The following PPP2R3B variants were observed in gnomAD, a reference collection of about 807,000 sequenced individuals.
The protein encoded by PPP2R3B is protein phosphatase 2 regulatory subunit B''beta, also known as serine/threonine-protein phosphatase 2A regulatory subunit B'' subunit beta.
In PPP2R3B, 68 loss-of-function variants were observed where a neutral mutation model predicts 72.9. The ratio of observed to expected loss-of-function variants is 0.93; its 90% CI spans 0.77 to 1.14. The LOEUF (loss-of-function observed/expected upper bound fraction) is 1.14, where lower values mean the gene tolerates loss of function less well. Ranked by LOEUF, PPP2R3B falls within the 50% of genes most tolerant of loss-of-function variation. PPP2R3B has a pLI of 0.00. For missense variants in PPP2R3B, 1,018 were observed against 842.0 expected, an observed-to-expected ratio of 1.21 and a Z score of -2.59; for synonymous variants, 466 against 375.8, an observed-to-expected ratio of 1.24 and a Z score of -2.78.
chrX:341,303 C>G lies in PPP2R3B; in HGVS notation c.1175+4G>C, dbSNP rs201969968. 6.2e-6 allele frequency: 10 copies of G among 1,612,496 alleles called. 1 individual carries two copies. The highest frequency in any genetic ancestry group is 2.7e-5 in the African/African-American group (2 of 74,946). On this transcript the variant is annotated splice_donor_region_variant and intron_variant, in intron 9 of 12. Transcript: ENST00000390665. ...GACAAACGCATGCCGCAGCAGGAAC[C>G]CACCTGGTCGGTGTTTTTTTGTCTT...
intron 2 of PPP2R3B, among the ~76,000 whole-genome samples, chrX:356,352 A>C (rs2071434450): frequency 6.6e-6 from 1 of 152,142 alleles, no homozygotes; most frequent in African/African-American, 2.4e-5. Flanking sequence ...AGTAGCTGGA[A>C]TGACAGGTGC....
intron 2 of PPP2R3B, among the ~76,000 whole-genome samples, chrX:355,592 A>G (rs2071419269): frequency 6.6e-6 from 1 of 152,278 alleles, no homozygotes; most frequent in African/African-American, 2.4e-5. Flanking sequence ...ACGGAACACC[A>G]CGCGATCCGG....
chrX:341,271 C>T, intron 9 of PPP2R3B, 36 bp downstream of exon 9: 2 of 1,606,192 alleles, frequency 1.2e-6, no homozygotes, highest in Middle Eastern at 1.7e-4. Flanking sequence ...CCCGGCCCCT[C>T]CACTGGGACA....
chrX:358,904 G>A (rs1238233794), intron 2 of PPP2R3B, among the ~76,000 whole-genome samples: 1 of 149,438 alleles, frequency 6.7e-6, no homozygotes, highest in African/African-American at 2.5e-5. Context: ...GGGAAGCACC[G>A]TGGGGACGGG....
chrX:366,523 A>G (rs1242950491), intron 1 of PPP2R3B, among the ~76,000 whole-genome samples: 1 of 3,502 alleles, frequency 2.9e-4, no homozygotes, highest in African/African-American at 3.5e-3. Flanking sequence ...ACAGAGTGAG[A>G]CTCTGTCTCA....
chrX:352,432 A>AGGACACGGCAACG (rs1403356936), intron 2 of PPP2R3B, among the ~76,000 whole-genome samples: 2 of 151,268 alleles, frequency 1.3e-5, no homozygotes, highest in Non-Finnish European at 2.9e-5. Context: ...CACCTTTTCC[A>AGGACACGGCAACG]GGACACGGCA....
intron 12 of PPP2R3B, chrX:338,331 G>A (rs2070945904): frequency 5.1e-6 from 3 of 584,142 alleles, no homozygotes; most frequent in African/African-American, 1.9e-5. Context: ...TCCCCGTGCT[G>A]GGCCTGATGT....
chrX:338,769 C>G lies in PPP2R3B; in HGVS notation c.1470+9G>C. 1 of 1,612,274 alleles carries G rather than the reference C, an allele frequency of 6.2e-7. No individual in the cohort carries two copies. The highest frequency in any genetic ancestry group is 8.5e-7 in the Non-Finnish European group (1 of 1,179,594). On this transcript the variant is annotated intron_variant, in intron 11 of 12. Transcript: ENST00000390665. ...GGCGCGGCCCGGCCCGCGTGCCCGC[C>G]GCACTCACCCTGAGCAGGGAGATCT...
chrX:356,989 CAT>C (rs1271049766), intron 2 of PPP2R3B, among the ~76,000 whole-genome samples: 3 of 127,664 alleles, frequency 2.3e-5, no homozygotes, highest in Admixed American at 8.0e-5. Context: ...AACACACACA[CAT>C]AGCGAAACAT....
rs1283097066 is a variant in PPP2R3B at position 334,199 on chromosome X, G to C, written c.*168C>G. 4.6e-5 allele frequency: 37 copies of C among 802,228 alleles called. No homozygotes were observed. The highest frequency in any genetic ancestry group is 6.2e-5 in the Non-Finnish European group (35 of 564,332). The allele number at this position is 802,228 out of a possible 1,614,324, so 49.7% of individuals were successfully genotyped here. On this transcript the variant is annotated 3_prime_UTR_variant, in exon 13 of 13. Coordinates refer to ENST00000390665, the MANE Select transcript of PPP2R3B (RefSeq NM_013239.5). ...TCCCCCTGGCACAGAGCTCTGGGCAGGTCCAGCCACGAACCCACAGCGGCA... is the reference window on the plus strand; with the variant it reads ...TCCCCCTGGCACAGAGCTCTGGGCACGTCCAGCCACGAACCCACAGCGGCA...
intron 1 of PPP2R3B, among the ~76,000 whole-genome samples, chrX:383,091 G>A (rs1347196481): frequency 3.3e-5 from 5 of 152,174 alleles, no homozygotes; most frequent in African/African-American, 9.7e-5. Context: ...CTCCTGGATC[G>A]GGATCTGGAG....
intron 1 of PPP2R3B, among the ~76,000 whole-genome samples, 194 bp from the exon 2 acceptor site, chrX:361,784 C>A (rs1031949181): frequency 1.3e-5 from 2 of 152,170 alleles, no homozygotes; most frequent in Non-Finnish European, 2.9e-5. Context: ...ACCCAGGAGG[C>A]CACACCATGC....
rs762885471 is a variant in PPP2R3B, at chrX:345,528, G to A, written c.1024C>T (p.His342Tyr). 1.9e-6 allele frequency: 3 copies of A among 1,612,822 alleles called. No individual in the cohort carries two copies. Among genetic ancestry groups the A allele is most frequent in the South Asian group, 1.1e-5 (1 of 91,076 alleles). ...TGCCCCCACGCACCGTGGTCATTGT[G>A]CCGCGCCAGGTCGTCCGCGTCGATG... Reference protein sequence around the residue: ...LLIDADDLARHNDHALSTKMI... With the variant: ...LLIDADDLARYNDHALSTKMI... Residue 342 changes from histidine (H) to tyrosine (Y), a missense_variant, in exon 7 of 13, where the codon CAC (histidine) becomes TAC (tyrosine). Physicochemically the swap from His to Tyr is moderately conservative, Grantham distance 83. Coordinates refer to ENST00000390665, the MANE Select transcript of PPP2R3B (RefSeq NM_013239.5).
At chrX:341,956 C>T in intron 7 of PPP2R3B, 25 bp from the exon 8 acceptor site, 2 of 1,612,426 alleles carry the variant, frequency 1.2e-6, no homozygotes, top group Non-Finnish European at 1.7e-6. Flanking sequence ...GGTTGATGGG[C>T]AGCCCGCACC....
At chrX:372,998 C>G (rs1168462684) in intron 1 of PPP2R3B, among the ~76,000 whole-genome samples, 1 of 152,100 alleles carries the variant, frequency 6.6e-6, no homozygotes, top group Non-Finnish European at 1.5e-5. Flanking sequence ...CATAAATAGT[C>G]CGGTATGTGA....
intron 12 of PPP2R3B, chrX:336,688 G>C (rs1379399894): frequency 1.4e-4 from 21 of 152,176 alleles, no homozygotes; most frequent in Admixed American, 1.4e-3. Context: ...GTTTCATGAA[G>C]GTGCAAAACA....
Position 346,156 on chromosome X carries a change from CAG to C in PPP2R3B, c.879+16_879+17del. ...TAGGGACAAGGCAGGGGGCAGGGGA[CAG>C]GGGGCCGCTCCGCACCTGCAGGAAG... is the stretch of plus-strand genomic sequence containing the variant. On this transcript the variant is annotated intron_variant, in intron 6 of 12. Transcript: ENST00000390665. The C allele has an allele frequency of 4.0e-6, 6 of 1,516,542 alleles. No homozygotes were observed. Among genetic ancestry groups the C allele is most frequent in the Middle Eastern group, 2.3e-4 (1 of 4,274 alleles). 93.9% of individuals were successfully genotyped at this position (1,516,542 alleles called of 1,614,324 possible).
chrX:346,066 AGAG>A (rs1254880596), intron 6 of PPP2R3B, 105 bp downstream of exon 6: 21 of 452,088 alleles, frequency 4.6e-5, no homozygotes, highest in East Asian at 8.0e-5. Flanking sequence ...TGGGGGTGGG[AGAG>A]GGGGTGGGAG....
At position 334,399 on chromosome X, in the gene PPP2R3B, C is replaced by T. The variant is rs146466205; in HGVS notation, c.1696G>A (p.Ala566Thr). The change falls in exon 13 of 13, where the codon GCA (alanine) becomes ACA (threonine). Residue 566 changes from alanine (A) to threonine (T), a missense_variant. Coordinates refer to ENST00000390665, the MANE Select transcript of PPP2R3B (RefSeq NM_013239.5). ...GGCTCCAGGTCCTCGTCCCCGCATG[C>T]GTACTCGTACAGGTCCACGGCGCCC... ...PLGAVDLYEY[A>T]CGDEDLEPL 7.5e-5 allele frequency: 117 copies of T among 1,560,886 alleles called. No homozygotes were observed. The highest frequency in any genetic ancestry group is 2.3e-4 in the Middle Eastern group (1 of 4,334).
Sources: gnomAD v4.1 joint callset for allele counts (sites outside exome capture counted in the v4.1 genomes callset) on GRCh38, gnomAD v4.1.1 for gene constraint, MANE v1.5 for transcripts, NCBI Gene and HGNC (gene_info 2026-07-23, HGNC 2026-07-21) for gene names.